SIK3: variants seen among roughly 807,000 people sequenced by gnomAD.
SIK3 encodes SIK family kinase 3.
A neutral mutation model predicts 144.2 loss-of-function variants in SIK3; 28 were observed. The ratio of observed to expected loss-of-function variants is 0.19; its 90% CI spans 0.14 to 0.27. The LOEUF (loss-of-function observed/expected upper bound fraction) is 0.27. Ranked by LOEUF, SIK3 falls within the 10% of genes least tolerant of loss-of-function variation. The pLI is 1.00. For missense variants in SIK3, 1,319 were observed against 1,776.0 expected (o/e 0.74, Z 4.62); for synonymous variants, 686 against 676.3 (o/e 1.01, Z -0.22).
At chr11:117,048,161 A>G (rs1167553513) in intron 1 of SIK3, among the ~76,000 whole-genome samples, 2 of 152,198 alleles carry the variant, frequency 1.3e-5, no homozygotes, top group African/African-American at 4.8e-5. Flanking sequence ...TCTTGGTACT[A>G]TTTTTTATAC....
chr11:117,031,202 G>T (rs1000370716), intron 1 of SIK3, among the ~76,000 whole-genome samples: 1 of 151,896 alleles, frequency 6.6e-6, no homozygotes, highest in African/African-American at 2.4e-5. Flanking sequence ...CATACTTTTG[G>T]TGTCAAGTCT....
At chr11:117,045,427 C>A (rs1952918547) in intron 1 of SIK3, among the ~76,000 whole-genome samples, 1 of 152,196 alleles carries the variant, frequency 6.6e-6, no homozygotes, top group African/African-American at 2.4e-5. Context: ...ACCTAAGAAG[C>A]CCCGCCCATA....
At chr11:116,956,517 C>T (rs769918900) in intron 2 of SIK3, among the ~76,000 whole-genome samples, 2 of 152,090 alleles carry the variant, frequency 1.3e-5, no homozygotes, top group Non-Finnish European at 2.9e-5. Flanking sequence ...CAATTTATAA[C>T]ATGATCACAG....
intron 3 of SIK3, among the ~76,000 whole-genome samples, chr11:116,946,446 G>A (rs1455444462): frequency 6.6e-6 from 1 of 152,168 alleles, no homozygotes; most frequent in Non-Finnish European, 1.5e-5. Flanking sequence ...GCACTGCAAA[G>A]GGGACCAGAT....
intron 3 of SIK3, among the ~76,000 whole-genome samples, chr11:116,938,004 A>G (rs1948010418): frequency 6.6e-6 from 1 of 152,092 alleles, no homozygotes; most frequent in South Asian, 2.1e-4. Context: ...CAGGAGTTCA[A>G]GACCAGCTTG....
intron 5 of SIK3, 127 bp downstream of exon 5, chr11:116,897,066 A>C: frequency 4.4e-6 from 4 of 907,860 alleles, no homozygotes; most frequent in Non-Finnish European, 6.4e-6. Context: ...AGGAATTGGG[A>C]CTTGAAAGAA....
At chr11:116,933,875 T>C (rs1329771907) in intron 3 of SIK3, among the ~76,000 whole-genome samples, 2 of 152,230 alleles carry the variant, frequency 1.3e-5, no homozygotes, top group African/African-American at 4.8e-5. Flanking sequence ...TTTCACTGGC[T>C]CTTTTGTTCT....
chr11:116,904,271 C>G (rs140989144), intron 4 of SIK3, among the ~76,000 whole-genome samples: 1 of 152,086 alleles, frequency 6.6e-6, no homozygotes, highest in African/African-American at 2.4e-5. Context: ...GGAGGGAGCA[C>G]GAGCAAGGGC....
chr11:116,946,368 T>A (rs1201272201), intron 3 of SIK3, among the ~76,000 whole-genome samples: 1 of 152,092 alleles, frequency 6.6e-6, no homozygotes, highest in Non-Finnish European at 1.5e-5. Flanking sequence ...CTTTGTCACT[T>A]ACGGCACAGC....
intron 6 of SIK3, among the ~76,000 whole-genome samples, chr11:116,887,344 C>T (rs911152688): frequency 4.0e-5 from 6 of 151,250 alleles, no homozygotes; most frequent in East Asian, 1.9e-4. Context: ...TGGCAGGGCA[C>T]GGTGGCTCAC....
chr11:117,072,037 C>T (rs7928320), intron 1 of SIK3, among the ~76,000 whole-genome samples: 48,639 of 151,942 alleles, frequency 0.32, 10,219 homozygotes, highest in African/African-American at 0.61. Flanking sequence ...ACTCAAATCA[C>T]TGATGGTTTT....
intron 1 of SIK3, among the ~76,000 whole-genome samples, chr11:116,969,913 G>C (rs114495784): frequency 0.01 from 1,529 of 152,286 alleles, 27 homozygotes; most frequent in African/African-American, 0.036. Flanking sequence ...TCTAAGATAT[G>C]TTTGTGACCT....
At chr11:116,961,463 T>C (rs1225421295) in intron 1 of SIK3, among the ~76,000 whole-genome samples, 1 of 152,202 alleles carries the variant, frequency 6.6e-6, no homozygotes, top group Non-Finnish European at 1.5e-5. Context: ...TACAGATTAC[T>C]GAAGACTATA....
In SIK3 at chr11:116,867,649, A is replaced by T; in HGVS notation, c.1952+297T>A. Reference sequence around the variant, plus strand: ...CCTTCTGAGAGTTTCACTTTCTTGCAGGTCTCAAGTTCAATTTTATCTATG... The same window carrying T: ...CCTTCTGAGAGTTTCACTTTCTTGCTGGTCTCAAGTTCAATTTTATCTATG... On this transcript the variant is annotated intron_variant, in intron 15 of 24. Transcript: ENST00000445177. The surrounding 1 kb of genome is among the most constrained non-coding windows in gnomAD (Gnocchi z 4.1). The T allele has an allele frequency of 3.7e-6, 1 of 271,768 alleles. No homozygotes were observed. The highest frequency in any genetic ancestry group is 6.8e-6 in the Non-Finnish European group (1 of 146,194). The allele number at this position is 271,768 out of a possible 1,614,324, so 16.8% of individuals were successfully genotyped here.
chr11:117,045,015 T>A (rs1262924963), intron 1 of SIK3, among the ~76,000 whole-genome samples: 2 of 152,216 alleles, frequency 1.3e-5, no homozygotes, highest in East Asian at 3.8e-4. Flanking sequence ...GGGACCATAT[T>A]TAAGAACACA....
Position 117,082,071 on chromosome 11 carries a change from T to C in SIK3, c.273+16072A>G, listed in dbSNP as rs183986826. On this transcript the variant is annotated intron_variant, in intron 1 of 24. Transcript: ENST00000445177. Reference sequence around the variant, plus strand: ...CCATTGTTCATTAGGGAAATGTAGATCAAAACCACAATGCAATACTTCTTC... The same window carrying C: ...CCATTGTTCATTAGGGAAATGTAGACCAAAACCACAATGCAATACTTCTTC... 2.6e-5 allele frequency among the ~76,000 whole-genome samples: 4 copies of C among 152,262 alleles called. No individual in the cohort carries two copies. The East Asian group carries it at 7.7e-4, about 29-fold the overall frequency.
intron 1 of SIK3, 50 bp downstream of exon 1, chr11:117,098,093 T>C (rs1955561831): frequency 2.1e-5 from 28 of 1,329,174 alleles, no homozygotes; most frequent in Non-Finnish European, 2.6e-5. Flanking sequence ...GGCGCGGACC[T>C]CTCCCGGCCC....
At chr11:116,964,254 G>T (rs1409446320) in intron 1 of SIK3, among the ~76,000 whole-genome samples, 2 of 152,096 alleles carry the variant, frequency 1.3e-5, no homozygotes, top group Non-Finnish European at 1.5e-5. Context: ...TCCCACCTCA[G>T]TCTCCTAAAG....
chr11:116,943,329 G>A (rs1948414795), intron 3 of SIK3, among the ~76,000 whole-genome samples: 1 of 152,192 alleles, frequency 6.6e-6, no homozygotes, highest in South Asian at 2.1e-4. Context: ...GAGGGACAAA[G>A]AGGGCAAAGA....
Sources: allele counts gnomAD v4.1 joint callset (sites outside exome capture counted in the v4.1 genomes callset), GRCh38; gene constraint gnomAD v4.1.1; non-coding constraint Gnocchi (gnomAD v3.1); transcripts MANE v1.5; gene names NCBI Gene and HGNC (gene_info 2026-07-23, HGNC 2026-07-21).